CRIM1: variants seen among roughly 807,000 people sequenced by gnomAD.
CRIM1 encodes the protein cysteine-rich motor neuron 1 protein.
Under a neutral mutation model 116.4 loss-of-function variants are expected in CRIM1, and 32 were observed. The observed-to-expected ratio is 0.27, with a 90% CI of 0.21 to 0.37. CRIM1 has a LOEUF of 0.37. CRIM1 is among the 10% of genes least tolerant of loss of function. The pLI, the probability that CRIM1 is intolerant of heterozygous loss-of-function variation, is 1.00. For synonymous variants in CRIM1, 590 were observed against 509.2 expected (o/e 1.16, Z -2.13); for missense variants, 1,331 against 1,354.8 (o/e 0.98, Z 0.28).
At position 36,550,141 on chromosome 2, in the gene CRIM1, C is replaced by T. The variant is rs1052042988; in HGVS notation, c.*1440C>T. The T allele has an allele frequency of 2.6e-5, 4 of 152,318 alleles. No homozygotes were observed. Among genetic ancestry groups the T allele is most frequent in the African/African-American group, 9.7e-5 (4 of 41,340 alleles). The allele number at this position is 152,318 out of a possible 1,614,324, so 9.4% of individuals were successfully genotyped here. A position where few individuals can be genotyped will look rare whatever the true frequency, so the allele number is the denominator to read the frequency against. On this transcript the variant is annotated 3_prime_UTR_variant, in exon 17 of 17. Transcript: ENST00000280527. ...AGGGTATTCCTTTATTAAAATCTTC[C>T]TCATTTGGATTTGCTTTCAGTTGGT...
At chr2:36,493,017 A>C (rs1044994119) in intron 7 of CRIM1, among the ~76,000 whole-genome samples, 1 of 152,250 alleles carries the variant, frequency 6.6e-6, no homozygotes, top group African/African-American at 2.4e-5. Context: ...TTAAAGCCTG[A>C]AAGAAGAGGT....
rs191377493 is a variant in CRIM1 at position 36,365,273 on chromosome 2, A to T, written c.331+8650A>T. Among the ~76,000 whole-genome samples the T allele has an allele frequency of 4.6e-3, 703 of 152,362 alleles. 6 individuals carry two copies. Among genetic ancestry groups the T allele is most frequent in the African/African-American group, 0.016 (665 of 41,586 alleles). On this transcript the variant is annotated intron_variant, in intron 1 of 16. Coordinates refer to ENST00000280527, the MANE Select transcript of CRIM1 (RefSeq NM_016441.3). ...AGCTATTTCAAATTAATATTTATTTAAAAATGGCCTTTTAATATTAATGGC... is the reference window on the plus strand; with the variant it reads ...AGCTATTTCAAATTAATATTTATTTTAAAATGGCCTTTTAATATTAATGGC...
intron 2 of CRIM1, among the ~76,000 whole-genome samples, chr2:36,423,482 T>A (rs1047839074): frequency 2.6e-5 from 4 of 152,258 alleles, no homozygotes; most frequent in Non-Finnish European, 4.4e-5. Flanking sequence ...ATTATAGTAA[T>A]GTGCAATTCA....
At chr2:36,501,469 A>G (rs1254361515) in intron 8 of CRIM1, among the ~76,000 whole-genome samples, 2 of 152,148 alleles carry the variant, frequency 1.3e-5, no homozygotes, top group African/African-American at 2.4e-5. Flanking sequence ...CTATAATCCC[A>G]GCACTTTGGG....
chr2:36,481,399 G>A (rs1220346632), intron 7 of CRIM1, among the ~76,000 whole-genome samples: 1 of 152,182 alleles, frequency 6.6e-6, no homozygotes, highest in Non-Finnish European at 1.5e-5. Context: ...GCATAGAGTT[G>A]TAATCTAATC....
intron 9 of CRIM1, among the ~76,000 whole-genome samples, chr2:36,510,629 T>C (rs1185835305): frequency 2.0e-5 from 3 of 152,224 alleles, no homozygotes; most frequent in African/African-American, 7.2e-5. Context: ...CGTATTTTTT[T>C]CTTTATCTAG....
intron 2 of CRIM1, among the ~76,000 whole-genome samples, chr2:36,422,325 CTA>C (rs1216088063): frequency 6.6e-6 from 1 of 151,922 alleles, no homozygotes; most frequent in Non-Finnish European, 1.5e-5. Context: ...TAGTGTAGTA[CTA>C]TATATGTGGG....
intron 1 of CRIM1, among the ~76,000 whole-genome samples, chr2:36,389,419 C>T (rs1671412147): frequency 6.6e-6 from 1 of 152,176 alleles, no homozygotes; most frequent in South Asian, 2.1e-4. Flanking sequence ...TAGCTATTTG[C>T]ATCTTCCTGT....
At chr2:36,457,756 T>TAA (rs1339050686) in intron 4 of CRIM1, among the ~76,000 whole-genome samples, 1 of 144,490 alleles carries the variant, frequency 6.9e-6, no homozygotes, top group Non-Finnish European at 1.5e-5. Flanking sequence ...TTGCAGCCTT[T>TAA]AAAAAAAAAA....
rs567828191 is a variant in CRIM1 at position 36,480,879 on chromosome 2, A to G, written c.1372+1185A>G. Among the ~76,000 whole-genome samples the G allele has an allele frequency of 2.6e-5, 4 of 152,268 alleles. No individual in the cohort carries two copies. The South Asian group carries it at 8.3e-4, about 32-fold the overall frequency. ...TATACTCCTCCCATTCCCTAAAGGCAGCATTTCAGTGCTGAAAAAAAAAGA... is the reference window on the plus strand; with the variant it reads ...TATACTCCTCCCATTCCCTAAAGGCGGCATTTCAGTGCTGAAAAAAAAAGA... On this transcript the variant is annotated intron_variant, in intron 7 of 16. Coordinates refer to ENST00000280527, the MANE Select transcript of CRIM1 (RefSeq NM_016441.3).
intron 1 of CRIM1, among the ~76,000 whole-genome samples, chr2:36,380,055 A>G (rs926876015): frequency 1.3e-5 from 2 of 152,166 alleles, no homozygotes; most frequent in Non-Finnish European, 2.9e-5. Flanking sequence ...ACTCTGATGC[A>G]TGAATGGCAG....
At chr2:36,512,211 T>G in intron 9 of CRIM1, 62 bp from the exon 10 acceptor site, 1 of 1,583,892 alleles carries the variant, frequency 6.3e-7, no homozygotes, top group South Asian at 1.1e-5. Flanking sequence ...TTGGTCTGAG[T>G]GCTTGGGCAT....
At chr2:36,429,979 C>A (rs978115055) in intron 2 of CRIM1, among the ~76,000 whole-genome samples, 11 of 152,064 alleles carry the variant, frequency 7.2e-5, no homozygotes, top group Non-Finnish European at 1.5e-5. Flanking sequence ...TAAAATAAGC[C>A]GGGGTTCTCA....
At chr2:36,423,752 T>G (rs1674247865) in intron 2 of CRIM1, among the ~76,000 whole-genome samples, 1 of 152,206 alleles carries the variant, frequency 6.6e-6, no homozygotes, top group African/African-American at 2.4e-5. Flanking sequence ...TTGTAACTAT[T>G]TAAAGGTCAG....
chr2:36,427,631 G>T (rs1003661450), intron 2 of CRIM1, among the ~76,000 whole-genome samples: 2 of 152,168 alleles, frequency 1.3e-5, no homozygotes, highest in Non-Finnish European at 2.9e-5. Context: ...ACTTTCCTCT[G>T]GCTGGACTTC....
intron 2 of CRIM1, among the ~76,000 whole-genome samples, chr2:36,424,802 T>TTGCA: frequency 6.6e-6 from 1 of 152,324 alleles, no homozygotes. Context: ...GATATCTCAC[T>TTGCA]TACACTGATT....
intron 2 of CRIM1, 113 bp downstream of exon 2, chr2:36,396,900 GT>G (rs1330331916): frequency 1.1e-6 from 1 of 908,354 alleles, no homozygotes; most frequent in Admixed American, 2.3e-5. Flanking sequence ...GAGAGTGGTA[GT>G]TTGTATAATC....
At chr2:36,548,344 C>T (rs986006201) in intron 16 of CRIM1, among the ~76,000 whole-genome samples, 181 bp from the exon 17 acceptor site, 3 of 148,032 alleles carry the variant, frequency 2.0e-5, no homozygotes, top group African/African-American at 5.0e-5. Context: ...TACAGTTTGT[C>T]AGTGTCCCTC....
intron 2 of CRIM1, among the ~76,000 whole-genome samples, chr2:36,424,282 T>G (rs1674288876): frequency 6.6e-6 from 1 of 152,204 alleles, no homozygotes; most frequent in African/African-American, 2.4e-5. Flanking sequence ...GATGAAGAGA[T>G]ATTCACAGAG....
Sources: allele counts gnomAD v4.1 joint callset (sites outside exome capture counted in the v4.1 genomes callset), GRCh38; gene constraint gnomAD v4.1.1; transcripts MANE v1.5; gene names NCBI Gene and HGNC (gene_info 2026-07-23, HGNC 2026-07-21).